The following PARD3 variants were observed in gnomAD, a reference collection of about 807,000 sequenced individuals.
PARD3 encodes partitioning defective 3 homolog.
PARD3 carries 75 observed loss-of-function variants against 155.4 expected under a neutral mutation model. That is an observed-to-expected ratio of 0.48 (90% CI 0.40 to 0.58). The LOEUF is 0.58. PARD3 is among the 20% of genes least tolerant of loss of function. The probability of loss-of-function intolerance (pLI) is 0.00; values close to 1 mark genes in which losing one functional copy is unlikely to be tolerated. For missense variants in PARD3, 1,642 were observed against 1,721.7 expected, an observed-to-expected ratio of 0.95 and a Z score of 0.82; for synonymous variants, 576 against 610.5, an observed-to-expected ratio of 0.94 and a Z score of 0.83.
rs368351530 is a variant in PARD3 at position 34,398,128 on chromosome 10, T to C, written c.890+1202A>G. Among the ~76,000 whole-genome samples, 86 of 152,342 alleles carry C rather than the reference T, an allele frequency of 5.6e-4. 2 individuals carry two copies. Among genetic ancestry groups the C allele is most frequent in the Admixed American group, 4.6e-3 (70 of 15,300 alleles). ...TCAAGGTGAATGTTATACCTTGTTA[T>C]GTAACACTACCATTCAAGCCTCATT... On this transcript the variant is annotated intron_variant, in intron 7 of 24. Coordinates refer to ENST00000374788, the MANE Select transcript of PARD3 (RefSeq NM_001184785.2).
chr10:34,173,940 C>T (rs995605697), intron 22 of PARD3, among the ~76,000 whole-genome samples: 5 of 152,152 alleles, frequency 3.3e-5, no homozygotes, highest in Non-Finnish European at 7.4e-5. Flanking sequence ...CAGCCAAATC[C>T]CAAGGCCCTA....
chr10:34,708,802 T>C (rs1477675913), intron 1 of PARD3, among the ~76,000 whole-genome samples: 1 of 152,060 alleles, frequency 6.6e-6, no homozygotes, highest in African/African-American at 2.4e-5. Flanking sequence ...CCTTGCTGGG[T>C]TTAAAAAAGA....
intron 3 of PARD3, among the ~76,000 whole-genome samples, chr10:34,509,428 C>T (rs945159685): frequency 6.6e-6 from 1 of 152,156 alleles, no homozygotes; most frequent in Non-Finnish European, 1.5e-5. Context: ...GTCCATGAGG[C>T]AGTGTCCAGG....
At chr10:34,310,952 T>C (rs1957668107) in intron 20 of PARD3, among the ~76,000 whole-genome samples, 1 of 152,254 alleles carries the variant, frequency 6.6e-6, no homozygotes, top group South Asian at 2.1e-4. Context: ...CATTGTTTTC[T>C]ATGTGCTTAC....
chr10:34,626,728 T>C (rs2091996649), intron 2 of PARD3, among the ~76,000 whole-genome samples: 1 of 152,228 alleles, frequency 6.6e-6, no homozygotes, highest in Admixed American at 6.5e-5. Flanking sequence ...AACATGGTTA[T>C]GACACTCAAA....
At chr10:34,395,059 G>C (rs749557628) in intron 7 of PARD3, among the ~76,000 whole-genome samples, 1 of 152,114 alleles carries the variant, frequency 6.6e-6, no homozygotes, top group Non-Finnish European at 1.5e-5. Flanking sequence ...TTTTGAGACA[G>C]AGTCTCACTC....
At chr10:34,289,808 G>A (rs74131676) in intron 20 of PARD3, among the ~76,000 whole-genome samples, 2,584 of 152,238 alleles carry the variant, frequency 0.017, 77 homozygotes, top group African/African-American at 0.059. Context: ...ACAATAATGC[G>A]TTACAAATGA....
At chr10:34,558,127 G>A (rs2085163856) in intron 2 of PARD3, among the ~76,000 whole-genome samples, 1 of 151,804 alleles carries the variant, frequency 6.6e-6, no homozygotes, top group African/African-American at 2.4e-5. Context: ...TTCTCACCAT[G>A]TTCTCACTTT....
chr10:34,659,055 G>T (rs754669522), intron 2 of PARD3, among the ~76,000 whole-genome samples: 8 of 152,126 alleles, frequency 5.3e-5, no homozygotes, highest in Non-Finnish European at 1.2e-4. Context: ...GAAGAGTAAG[G>T]CAATGCAAGC....
chr10:34,551,698 G>A (rs1024208234), intron 2 of PARD3, among the ~76,000 whole-genome samples: 6 of 152,318 alleles, frequency 3.9e-5, no homozygotes, highest in African/African-American at 1.4e-4. Context: ...AGCTCAGGCT[G>A]CGGTTAGGCC....
At chr10:34,381,690 G>C (rs1403323361) in intron 9 of PARD3, among the ~76,000 whole-genome samples, 1 of 151,964 alleles carries the variant, frequency 6.6e-6, no homozygotes, top group Non-Finnish European at 1.5e-5. Context: ...CCAGCACTTT[G>C]GGAAGCCGAG....
At chr10:34,266,774 G>A (rs1443911760) in intron 22 of PARD3, among the ~76,000 whole-genome samples, 1 of 152,296 alleles carries the variant, frequency 6.6e-6, no homozygotes, top group South Asian at 2.1e-4. Context: ...TCAGTTTGGG[G>A]TTAGCACAGT....
intron 19 of PARD3, among the ~76,000 whole-genome samples, chr10:34,318,353 G>A (rs946501680): frequency 6.6e-6 from 1 of 152,146 alleles, no homozygotes; most frequent in Non-Finnish European, 1.5e-5. Flanking sequence ...GGGCCATAAG[G>A]TTAATTACTC....
intron 4 of PARD3, 107 bp downstream of exon 4, chr10:34,469,978 T>C: frequency 1.2e-6 from 1 of 847,770 alleles, no homozygotes; most frequent in Admixed American, 2.9e-5. Flanking sequence ...AAGGCCATCA[T>C]GAAGATGCCC....
At chr10:34,495,470 A>G (rs1167549203) in intron 3 of PARD3, among the ~76,000 whole-genome samples, 2 of 152,242 alleles carry the variant, frequency 1.3e-5, no homozygotes, top group African/African-American at 2.4e-5. Context: ...ATTTTCAGAC[A>G]TAGCTGTGAA....
intron 22 of PARD3, among the ~76,000 whole-genome samples, chr10:34,141,635 A>G (rs1344757026): frequency 2.0e-5 from 3 of 152,160 alleles, no homozygotes; most frequent in Non-Finnish European, 2.9e-5. Flanking sequence ...ACAAAACCTC[A>G]GGAATGTACC....
At position 34,317,018 on chromosome 10, in the gene PARD3, C is replaced by T. The variant is rs1015452130; in HGVS notation, c.3065+89G>A. On this transcript the variant is annotated intron_variant, in intron 20 of 24. Transcript: ENST00000374788. ...CCAAGTAGCTGGGATTACAGGTGTG[C>T]ACTACCGTGTCCAGTTTTTAGTACT... The T allele has an allele frequency of 2.0e-5, 24 of 1,228,136 alleles. No individual in the cohort carries two copies. In the African/African-American group the frequency reaches 2.9e-4, roughly 15 times the overall value. 76.1% of individuals were successfully genotyped at this position (1,228,136 alleles called of 1,614,324 possible). A position where few individuals can be genotyped will look rare whatever the true frequency, so the allele number is the denominator to read the frequency against.
intron 22 of PARD3, among the ~76,000 whole-genome samples, chr10:34,207,407 T>C (rs1342496937): frequency 6.6e-6 from 1 of 152,140 alleles, no homozygotes; most frequent in Non-Finnish European, 1.5e-5. Flanking sequence ...AGTAATTGAA[T>C]GCAAACGAGT....
chr10:34,341,800 G>C lies in PARD3; in HGVS notation c.2235C>G (p.Ser745=). The change falls in exon 16 of 25, where the codon TCC becomes TCG. Residue 745 remains serine, a synonymous_variant. Coordinates refer to ENST00000374788, the MANE Select transcript of PARD3 (RefSeq NM_001184785.2). ...LSRIMGKYQL[S]PTVNMPQDDT... is the part of the protein sequence containing the mutation. Reference sequence around the variant, plus strand: ...CATCTTGGGGCATATTCACTGTAGGGGACAGCTGGTATTTACCTGTCCAGT... The same window carrying C: ...CATCTTGGGGCATATTCACTGTAGGCGACAGCTGGTATTTACCTGTCCAGT... The C allele has an allele frequency of 6.2e-7, 1 of 1,608,574 alleles. No homozygotes were observed. Among genetic ancestry groups the C allele is most frequent in the Non-Finnish European group, 8.5e-7 (1 of 1,176,406 alleles).
Sources: gnomAD v4.1 joint callset for allele counts (sites outside exome capture counted in the v4.1 genomes callset) on GRCh38, gnomAD v4.1.1 for gene constraint, MANE v1.5 for transcripts, NCBI Gene and HGNC (gene_info 2026-07-23, HGNC 2026-07-21) for gene names.